The following SSBP4 variants were observed in gnomAD, a reference collection of about 807,000 sequenced individuals.
SSBP4 encodes the protein single-stranded DNA-binding protein 4.
Under a neutral mutation model 64.6 loss-of-function variants are expected in SSBP4, and 33 were observed. That is an observed-to-expected ratio of 0.51 (90% CI 0.39 to 0.68). The LOEUF (loss-of-function observed/expected upper bound fraction) is 0.68. Ranked by LOEUF, SSBP4 falls within the 30% of genes least tolerant of loss-of-function variation. The pLI is 0.00. For missense variants in SSBP4, 583 were observed against 566.8 expected, an observed-to-expected ratio of 1.03 and a Z score of -0.29; for synonymous variants, 243 against 224.0, an observed-to-expected ratio of 1.08 and a Z score of -0.76.
At position 18,426,833 on chromosome 19, in the gene SSBP4, T is replaced by G. The variant is rs1455869484; in HGVS notation, c.60-518T>G. ...AGCACTGCCCTGACTGGGGACAGTC[T>G]GCAGAAAGGGTTGAGGCCACCATGG... On this transcript the variant is annotated intron_variant, in intron 1 of 17. Coordinates refer to ENST00000270061, the MANE Select transcript of SSBP4 (RefSeq NM_032627.5). This position sits in a 1 kb window ranked among gnomAD's most constrained non-coding sequence, Gnocchi z 4.5. Among the ~76,000 whole-genome samples, 3 of 152,150 alleles carry G rather than the reference T, an allele frequency of 2.0e-5. No homozygotes were observed. Among genetic ancestry groups the G allele is most frequent in the African/African-American group, 7.2e-5 (3 of 41,440 alleles).
Position 18,434,452 on chromosome 19 carries a change from C to T in SSBP4, c.*206C>T, listed in dbSNP as rs1002787875. 3.0e-6 allele frequency: 3 copies of T among 993,502 alleles called. No homozygotes were observed. Among genetic ancestry groups the T allele is most frequent in the Non-Finnish European group, 4.1e-6 (3 of 732,262 alleles). The allele number at this position is 993,502 out of a possible 1,614,324, so 61.5% of individuals were successfully genotyped here. ...ACGTTCTTTTCTGTATGGACCCTTC[C>T]TGCCATTTGTATTTTGTCCCAGAGA... On this transcript the variant is annotated 3_prime_UTR_variant, in exon 18 of 18. Transcript: ENST00000270061.
intron 15 of SSBP4, 121 bp downstream of exon 15, chr19:18,433,334 C>CG: frequency 7.3e-7 from 1 of 1,368,622 alleles, no homozygotes; most frequent in Non-Finnish European, 9.9e-7. Flanking sequence ...CTGAGCCCCC[C>CG]GGGGGCCGCT....
rs1973509125 is a variant in SSBP4, at chr19:18,432,567, G to C, written c.713G>C (p.Gly238Ala). The change falls in exon 11 of 18, where the codon GGA (glycine) becomes GCA (alanine). Residue 238 changes from glycine to alanine, a missense_variant. By Grantham distance (60) the Gly-to-Ala change is moderately conservative. Around this residue, in one of 5 missense-constraint regions of SSBP4, gnomAD observed 444 missense variants for 386.6 expected, o/e 1.15. Coordinates refer to ENST00000270061, the MANE Select transcript of SSBP4 (RefSeq NM_032627.5). ...TCCGCGGTCTCTTCCAGGGGCCCAG[G>C]AGTTCGTGGCCCGTGGGCCAGCCCC... ...PGLPAMNMGP[G>A]VRGPWASPSG... The C allele has an allele frequency of 3.2e-6, 5 of 1,554,478 alleles. No homozygotes were observed. The South Asian group carries it at 3.5e-5, about 11-fold the overall frequency.
rs1568354539 is a variant in SSBP4, at chr19:18,431,675, GC to G, written c.469del (p.Arg157GlyfsTer44). ...TTCATGTCACCGCGCTTCCCAGGGG[GC>G]CCCCGGCCCACCCTGCGGATGCCGA... ...QPFMSPRFPG[G>X]PRPTLRMPSQ... On this transcript the variant is annotated frameshift_variant, in exon 7 of 18. Coordinates refer to ENST00000270061, the MANE Select transcript of SSBP4 (RefSeq NM_032627.5). LOFTEE classifies it high-confidence loss of function. The G allele has an allele frequency of 4.5e-6, 7 of 1,552,520 alleles. No individual in the cohort carries two copies. The highest frequency in any genetic ancestry group is 6.1e-6 in the Non-Finnish European group (7 of 1,148,594).
At chr19:18,415,585 AAGAGGAGGAGGG>A (rs1267811301), upstream of SSBP4, among the ~76,000 whole-genome samples, 1 of 152,000 alleles carries the variant, frequency 6.6e-6, no homozygotes, top group African/African-American at 2.4e-5. Flanking sequence ...GAGGAGGAGG[AAGAGGAGGAGGG>A]AGAGGAAGAG....
In SSBP4 at chr19:18,427,853, T is replaced by A; in HGVS notation, c.194+40T>A. On this transcript the variant is annotated intron_variant, in intron 3 of 17. Coordinates refer to ENST00000270061, the MANE Select transcript of SSBP4 (RefSeq NM_032627.5). The surrounding 1 kb of genome is among the most constrained non-coding windows in gnomAD (Gnocchi z 4.4). ...GCTGTGGGTGGGCTGTGGAAGGGGGTTGAGGGAGGCACGTGGAGCAACCAT... is the reference window on the plus strand; with the variant it reads ...GCTGTGGGTGGGCTGTGGAAGGGGGATGAGGGAGGCACGTGGAGCAACCAT... 1 of 1,612,578 alleles carries A rather than the reference T, an allele frequency of 6.2e-7. No homozygotes were observed. The highest frequency in any genetic ancestry group is 1.7e-5 in the Admixed American group (1 of 59,894).
chr19:18,408,579 G>GC, the SSBP4 span, among the ~76,000 whole-genome samples: 1 of 148,822 alleles, frequency 6.7e-6, no homozygotes, highest in Non-Finnish European at 1.5e-5. Flanking sequence ...TGCAAACTCC[G>GC]CCCCCCAGGT....
intron 15 of SSBP4, 72 bp downstream of exon 15, chr19:18,433,285 C>G: frequency 4.6e-6 from 7 of 1,510,080 alleles, no homozygotes; most frequent in South Asian, 2.4e-5. Flanking sequence ...TTCCCCCTGC[C>G]GTCAGCCCGC....
upstream of SSBP4, chr19:18,418,937 G>A (rs192309998): frequency 4.1e-6 from 4 of 983,746 alleles, no homozygotes; most frequent in Admixed American, 2.5e-4. The surrounding 1 kb of genome is among the most constrained non-coding windows in gnomAD (Gnocchi z 6.7). Context: ...TGTGTCGCTG[G>A]GCGGGCTGTA....
chr19:18,430,168 C>T (rs770436653), intron 4 of SSBP4, among the ~76,000 whole-genome samples: 9 of 152,130 alleles, frequency 5.9e-5, no homozygotes, highest in Non-Finnish European at 8.8e-5. Flanking sequence ...CTCCCTGTCC[C>T]CAGACGTGTT....
upstream of SSBP4, among the ~76,000 whole-genome samples, chr19:18,415,424 A>C (rs983793765): frequency 1.3e-5 from 2 of 152,124 alleles, no homozygotes; most frequent in African/African-American, 4.8e-5. Context: ...GGGCCCCCCC[A>C]CTGCTGTGTC....
the SSBP4 span, among the ~76,000 whole-genome samples, chr19:18,403,224 CCACT>C: frequency 6.6e-6 from 1 of 152,182 alleles, no homozygotes; most frequent in Non-Finnish European, 1.5e-5. Context: ...GACCTCCTCC[CCACT>C]ATCACCCTGC....
At chr19:18,433,407 C>A in intron 15 of SSBP4, 178 bp from the exon 16 acceptor site, 1 of 1,286,162 alleles carries the variant, frequency 7.8e-7, no homozygotes, top group Non-Finnish European at 1.1e-6. Flanking sequence ...GATGCACTGA[C>A]CGCCCCTCCC....
intron 5 of SSBP4, 60 bp downstream of exon 5, chr19:18,430,990 G>T (rs1194871482): frequency 2.6e-6 from 4 of 1,520,560 alleles, no homozygotes; most frequent in Middle Eastern, 1.7e-4. Context: ...GTTTGAGGGT[G>T]GGGGGGGTCC....
chr19:18,433,081 G>T, intron 14 of SSBP4, 38 bp downstream of exon 14: 1 of 1,613,758 alleles, frequency 6.2e-7, no homozygotes, highest in Non-Finnish European at 8.5e-7. Context: ...TCGAGGCGGT[G>T]ACCCCACTTG....
At chr19:18,413,887 G>A (rs1411245122), upstream of SSBP4, among the ~76,000 whole-genome samples, 3 of 152,122 alleles carry the variant, frequency 2.0e-5, no homozygotes, top group Non-Finnish European at 2.9e-5. Context: ...TGTGGTGGCA[G>A]GCACCTGTAA....
upstream of SSBP4, among the ~76,000 whole-genome samples, chr19:18,417,290 A>G (rs1257479933): frequency 2.6e-5 from 4 of 152,198 alleles, no homozygotes; most frequent in African/African-American, 7.2e-5. The surrounding 1 kb of genome is among the most constrained non-coding windows in gnomAD (Gnocchi z 5.4). Context: ...AGCACACAGT[A>G]GGCGCTCAAT....
upstream of SSBP4, chr19:18,419,003 C>T (rs561973751): frequency 5.1e-6 from 5 of 985,586 alleles, no homozygotes; most frequent in South Asian, 1.4e-4. Context: ...GTGAGACACC[C>T]AATGTCACTG....
intron 4 of SSBP4, among the ~76,000 whole-genome samples, chr19:18,429,449 G>A (rs1022647033): frequency 4.8e-5 from 7 of 144,600 alleles, no homozygotes; most frequent in Non-Finnish European, 9.1e-5. Context: ...CTAGAGTTGG[G>A]AAGCTGCGGG....
Sources: allele counts gnomAD v4.1 joint callset (sites outside exome capture counted in the v4.1 genomes callset), GRCh38; gene constraint gnomAD v4.1.1; regional missense constraint gnomAD v4.1.1; non-coding constraint Gnocchi (gnomAD v3.1); transcripts MANE v1.5; gene names NCBI Gene and HGNC (gene_info 2026-07-23, HGNC 2026-07-21).